Variants in AGAP1 observed in about 807,000 individuals in gnomAD.
The protein encoded by AGAP1 is ArfGAP with GTPase domain, ankyrin repeat and PH domain 1.
AGAP1 carries 29 observed loss-of-function variants against 105.3 expected under a neutral mutation model. The ratio of observed to expected loss-of-function variants is 0.28; its 90% CI spans 0.21 to 0.38. The LOEUF (loss-of-function observed/expected upper bound fraction) is 0.38. Among genes scored for constraint, AGAP1 ranks in the 10% least tolerant of loss-of-function variants. The pLI is 1.00. For synonymous variants in AGAP1, 509 were observed against 485.9 expected (o/e 1.05, Z -0.63); for missense variants, 998 against 1,165.1 (o/e 0.86, Z 2.09).
chr2:235,532,670 A>T (rs951973659), intron 1 of AGAP1, among the ~76,000 whole-genome samples: 8 of 152,244 alleles, frequency 5.3e-5, no homozygotes, highest in Non-Finnish European at 1.2e-4. Flanking sequence ...ACTCATCTCA[A>T]ACTATATTAA....
intron 1 of AGAP1, among the ~76,000 whole-genome samples, chr2:235,580,544 T>C (rs750190583): frequency 6.6e-6 from 1 of 152,148 alleles, no homozygotes; most frequent in Non-Finnish European, 1.5e-5. Flanking sequence ...CTGAGAGTGC[T>C]TCTCTCTTAG....
intron 13 of AGAP1, among the ~76,000 whole-genome samples, chr2:236,024,028 T>TG (rs1319656696): frequency 4.8e-4 from 54 of 112,352 alleles, no homozygotes; most frequent in African/African-American, 1.8e-3. Flanking sequence ...GTTGTTTTTT[T>TG]TTTTTGTTTT....
rs1170480633 is a variant in AGAP1 at position 235,908,466 on chromosome 2, C to G, written c.1156-272C>G. ...CAGATTTTGTGTGTAGACTTACTTC[C>G]TAATGACCCTTGAAGGAGGCACCTG... On this transcript the variant is annotated intron_variant, in intron 10 of 17. Transcript: ENST00000304032. The surrounding 1 kb of genome is among the most constrained non-coding windows in gnomAD (Gnocchi z 4.4). 6.6e-6 allele frequency among the ~76,000 whole-genome samples: 1 copy of G among 152,070 alleles called. No individual in the cohort carries two copies. The highest frequency in any genetic ancestry group is 2.4e-5 in the African/African-American group (1 of 41,418).
Position 235,694,033 on chromosome 2 carries a change from C to G in AGAP1, c.164-15146C>G, listed in dbSNP as rs181490447. 1.1e-3 allele frequency among the ~76,000 whole-genome samples: 167 copies of G among 152,268 alleles called. 1 individual carries two copies. In the South Asian group the frequency reaches 0.013, roughly 12 times the overall value. On this transcript the variant is annotated intron_variant, in intron 1 of 17. Coordinates refer to ENST00000304032, the MANE Select transcript of AGAP1 (RefSeq NM_001037131.3). ...CCATTTATCTTGAAGTCTAGTGATT[C>G]AAAGCATGAGGAATAAGATCGGGAA... is the stretch of plus-strand genomic sequence containing the variant.
At position 235,705,772 on chromosome 2, in the gene AGAP1, A is replaced by G. The variant is rs892915203; in HGVS notation, c.164-3407A>G. On this transcript the variant is annotated intron_variant, in intron 1 of 17. Transcript: ENST00000304032. The surrounding 1 kb of genome is among the most constrained non-coding windows in gnomAD (Gnocchi z 4.9). ...TACTCTTATTGCCACAAACACAAAT[A>G]TGTTCCATTCAAGTGAGGATGTATT... is the stretch of plus-strand genomic sequence containing the variant. 6.6e-6 allele frequency among the ~76,000 whole-genome samples: 1 copy of G among 152,216 alleles called. No individual in the cohort carries two copies. Among genetic ancestry groups the G allele is most frequent in the Admixed American group, 6.5e-5 (1 of 15,286 alleles).
At chr2:235,781,524 G>T (rs1330385211) in intron 6 of AGAP1, among the ~76,000 whole-genome samples, 1 of 152,148 alleles carries the variant, frequency 6.6e-6, no homozygotes, top group Admixed American at 6.5e-5. Flanking sequence ...ACAGTTAAAT[G>T]CTTATAAAGG....
intron 13 of AGAP1, among the ~76,000 whole-genome samples, chr2:236,017,428 T>G (rs2056743846): frequency 6.6e-6 from 1 of 151,988 alleles, no homozygotes; most frequent in Non-Finnish European, 1.5e-5. Flanking sequence ...TTCATGAAAA[T>G]TTGTATCCTG....
intron 1 of AGAP1, among the ~76,000 whole-genome samples, chr2:235,686,599 A>G (rs1166071659): frequency 3.8e-5 from 5 of 130,560 alleles, no homozygotes; most frequent in African/African-American, 1.3e-4. Context: ...GTGTGTGTGT[A>G]TATATATACG....
At chr2:235,717,739 G>T in intron 3 of AGAP1, 95 bp downstream of exon 3, 1 of 1,047,072 alleles carries the variant, frequency 9.6e-7, no homozygotes, top group South Asian at 1.5e-5. Context: ...TGTATCACAG[G>T]TCAAGAAAGC....
chr2:236,115,917 G>A (rs2059760248), intron 16 of AGAP1, among the ~76,000 whole-genome samples: 1 of 149,558 alleles, frequency 6.7e-6, no homozygotes, highest in African/African-American at 2.5e-5. Context: ...CGATTCTCCT[G>A]CCTCAGCCTC....
intron 15 of AGAP1, among the ~76,000 whole-genome samples, chr2:236,048,753 G>A (rs939246475): frequency 6.6e-6 from 1 of 152,210 alleles, no homozygotes; most frequent in African/African-American, 2.4e-5. Context: ...CTCTCAAGGT[G>A]AATGCTGCTG....
rs58489076 is a variant in AGAP1, at chr2:235,578,800, A to ATTTT, written c.163+83958_163+83961dup. 5.7e-4 allele frequency among the ~76,000 whole-genome samples: 80 copies of ATTTT among 139,802 alleles called. 4 individuals carry two copies. In the South Asian group the frequency reaches 0.016, roughly 27 times the overall value. The allele number at this position is 139,802 out of a possible 152,430, so 91.7% of individuals were successfully genotyped here. A position where few individuals can be genotyped will look rare whatever the true frequency, so the allele number is the denominator to read the frequency against. On this transcript the variant is annotated intron_variant, in intron 1 of 17. Transcript: ENST00000304032. The surrounding 1 kb of genome is among the most constrained non-coding windows in gnomAD (Gnocchi z 4.9). The stretch of plus-strand genomic sequence containing the variant: ...ACTCAGTCTCAAAAAAAAAAAAAAA[A>ATTTT]TTTTTTTTTTACAATAAGCTATTTA...
intron 9 of AGAP1, among the ~76,000 whole-genome samples, chr2:235,815,376 C>T (rs1284718744): frequency 6.6e-6 from 1 of 152,226 alleles, no homozygotes; most frequent in African/African-American, 2.4e-5. Context: ...GTGCACACGC[C>T]TGGTGTCTCT....
rs566038133 is a variant in AGAP1 at position 235,723,577 on chromosome 2, G to A, written c.310+5933G>A. Among the ~76,000 whole-genome samples, 130 of 152,296 alleles carry A rather than the reference G, an allele frequency of 8.5e-4. 1 individual carries two copies. The highest frequency in any genetic ancestry group is 3.0e-3 in the African/African-American group (125 of 41,574). ...CTCTGTGTCACCCATGGCATCACAGGCACCCTGGGCCATGGGCCCTCCCGA... is the reference window on the plus strand; with the variant it reads ...CTCTGTGTCACCCATGGCATCACAGACACCCTGGGCCATGGGCCCTCCCGA... On this transcript the variant is annotated intron_variant, in intron 3 of 17. Transcript: ENST00000304032. The surrounding 1 kb of genome is among the most constrained non-coding windows in gnomAD (Gnocchi z 6.2).
In AGAP1 at chr2:236,000,601, G is replaced by A. The variant is rs549423767; in HGVS notation, c.1645+31978G>A. On this transcript the variant is annotated intron_variant, in intron 13 of 17. Coordinates refer to ENST00000304032, the MANE Select transcript of AGAP1 (RefSeq NM_001037131.3). The surrounding 1 kb of genome is among the most constrained non-coding windows in gnomAD (Gnocchi z 4.3). ...AGAGGCTGGGCGAACACCAGCCCGA[G>A]CCTGACTTAAGCAGGATGGGCATGG... Among the ~76,000 whole-genome samples, 11 of 152,302 alleles carry A rather than the reference G, an allele frequency of 7.2e-5. No homozygotes were observed. Among genetic ancestry groups the A allele is most frequent in the African/African-American group, 1.2e-4 (5 of 41,586 alleles).
At position 235,535,980 on chromosome 2, in the gene AGAP1, G is replaced by A. The variant is rs542034762; in HGVS notation, c.163+41131G>A. ...ATCTGCTTCCTGCTCTCCCAGAGCC[G>A]GCCTCACCTTCGAGACTCATGCTAC... On this transcript the variant is annotated intron_variant, in intron 1 of 17. Transcript: ENST00000304032. This position sits in a 1 kb window ranked among gnomAD's most constrained non-coding sequence, Gnocchi z 5.1. Among the ~76,000 whole-genome samples the A allele has an allele frequency of 3.3e-5, 5 of 152,026 alleles. No homozygotes were observed. Among genetic ancestry groups the A allele is most frequent in the South Asian group, 2.1e-4 (1 of 4,798 alleles).
chr2:235,576,620 A>C (rs1944742029), intron 1 of AGAP1, among the ~76,000 whole-genome samples: 1 of 152,066 alleles, frequency 6.6e-6, no homozygotes, highest in Admixed American at 6.5e-5. Flanking sequence ...GGCTGCTAGA[A>C]CCTCAGGGGC....
At position 235,967,785 on chromosome 2, in the gene AGAP1, A is replaced by G. The variant is rs1207534031; in HGVS notation, c.1484-677A>G. ...CTTTGATAAAGATACAAATGGACAT[A>G]ATACATTGAGAGTTTCACTTATAGT... is the stretch of plus-strand genomic sequence containing the variant. On this transcript the variant is annotated intron_variant, in intron 12 of 17. Coordinates refer to ENST00000304032, the MANE Select transcript of AGAP1 (RefSeq NM_001037131.3). The surrounding 1 kb of genome is among the most constrained non-coding windows in gnomAD (Gnocchi z 4.7). Among the ~76,000 whole-genome samples the G allele has an allele frequency of 6.6e-6, 1 of 152,208 alleles. No individual in the cohort carries two copies. Among genetic ancestry groups the G allele is most frequent in the African/African-American group, 2.4e-5 (1 of 41,450 alleles).
rs552432209 is a variant in AGAP1, at chr2:235,917,246, A to C, written c.1324+8340A>C. 9.2e-5 allele frequency among the ~76,000 whole-genome samples: 14 copies of C among 151,898 alleles called. No homozygotes were observed. The East Asian group carries it at 2.7e-3, about 30-fold the overall frequency. ...AGGGTTGAAGCTGATTTTCCAGGGG[A>C]GGTGGGGGAGGCGGGGACAGCAAAT... On this transcript the variant is annotated intron_variant, in intron 11 of 17. Coordinates refer to ENST00000304032, the MANE Select transcript of AGAP1 (RefSeq NM_001037131.3).
Sources: gnomAD v4.1 joint callset for allele counts (sites outside exome capture counted in the v4.1 genomes callset) on GRCh38, gnomAD v4.1.1 for gene constraint, Gnocchi (gnomAD v3.1) non-coding constraint, MANE v1.5 for transcripts, NCBI Gene and HGNC (gene_info 2026-07-23, HGNC 2026-07-21) for gene names.